Variants in ESYT2 observed in about 807,000 individuals in gnomAD.
ESYT2 encodes extended synaptotagmin 2.
Under a neutral mutation model 107.2 loss-of-function variants are expected in ESYT2, and 54 were observed. The observed-to-expected ratio is 0.50, with a 90% CI of 0.40 to 0.63. ESYT2 has a LOEUF of 0.63. ESYT2 is among the 30% of genes least tolerant of loss of function. The pLI is 0.00. For synonymous variants in ESYT2, 491 were observed against 434.1 expected, an observed-to-expected ratio of 1.13 and a Z score of -1.63; for missense variants, 1,020 against 1,094.5, an observed-to-expected ratio of 0.93 and a Z score of 0.96.
At chr7:158,823,760 T>C (rs754787903) in intron 1 of ESYT2, among the ~76,000 whole-genome samples, 1 of 152,188 alleles carries the variant, frequency 6.6e-6, no homozygotes, top group Non-Finnish European at 1.5e-5. Flanking sequence ...CTGTGACCAA[T>C]GTGGAAATCA....
intron 6 of ESYT2, 74 bp from the exon 7 acceptor site, chr7:158,773,470 T>C (rs1838445567): frequency 6.7e-7 from 1 of 1,482,086 alleles, no homozygotes; most frequent in African/African-American, 1.4e-5. Context: ...CACAGGCTTG[T>C]TTCTTTGTAG....
chr7:158,784,986 C>T (rs901798535), intron 6 of ESYT2, among the ~76,000 whole-genome samples: 102 of 152,276 alleles, frequency 6.7e-4, no homozygotes, highest in African/African-American at 2.4e-3. Flanking sequence ...CTCAACAAGA[C>T]TAAGGACTCT....
At chr7:158,784,835 G>C (rs1411150329) in intron 6 of ESYT2, among the ~76,000 whole-genome samples, 4 of 152,162 alleles carry the variant, frequency 2.6e-5, no homozygotes, top group Admixed American at 6.5e-5. Context: ...CGGTTCAAAA[G>C]ATACCAGCAG....
intron 11 of ESYT2, 80 bp from the exon 12 acceptor site, chr7:158,760,227 T>G: frequency 7.9e-7 from 1 of 1,272,962 alleles, no homozygotes; most frequent in Non-Finnish European, 1.1e-6. Context: ...CTACAAATGT[T>G]CCATGCTGCT....
rs1472168195 is a variant in ESYT2 at position 158,829,347 on chromosome 7, G to C, written c.72C>G (p.Asn24Lys). Residue 24 changes from asparagine to lysine, a missense_variant, in exon 1 of 23, where the codon AAC (asparagine) becomes AAG (lysine). By Grantham distance (94) the Asn-to-Lys change is moderately conservative. Transcript: ENST00000275418. The part of the protein sequence containing the change: ...GGAGGRAAPE[N>K]PGGVLSVELP... ...GCTCCACGCTCAGCACGCCCCCGGGGTTCTCAGGCGCCGCGCGGCCCCCAG... is the reference window on the plus strand; with the variant it reads ...GCTCCACGCTCAGCACGCCCCCGGGCTTCTCAGGCGCCGCGCGGCCCCCAG... 7.0e-7 allele frequency: 1 copy of C among 1,418,866 alleles called. No homozygotes were observed. Among genetic ancestry groups the C allele is most frequent in the Admixed American group, 2.9e-5 (1 of 34,660 alleles). 87.9% of individuals were successfully genotyped at this position (1,418,866 alleles called of 1,614,324 possible).
chr7:158,741,447 T>C, intron 18 of ESYT2, 76 bp downstream of exon 18: 1 of 1,480,494 alleles, frequency 6.8e-7, no homozygotes, highest in Non-Finnish European at 8.9e-7. Context: ...TCTGCTGCGT[T>C]AAACGACTCT....
intron 17 of ESYT2, 25 bp downstream of exon 17, chr7:158,743,504 T>C (rs748162720): frequency 1.3e-6 from 2 of 1,591,044 alleles, no homozygotes; most frequent in South Asian, 2.3e-5. Context: ...TCCCCTATGG[T>C]GTTCACTGCA....
At chr7:158,772,906 A>T (rs1563642329) in intron 7 of ESYT2, among the ~76,000 whole-genome samples, 2 of 151,770 alleles carry the variant, frequency 1.3e-5, no homozygotes, top group African/African-American at 4.8e-5. Context: ...AAAAAAAAAA[A>T]AAGGCAGAAA....
intron 6 of ESYT2, among the ~76,000 whole-genome samples, chr7:158,786,827 A>G (rs546764969): frequency 6.6e-6 from 1 of 152,356 alleles, no homozygotes; most frequent in Non-Finnish European, 1.5e-5. Context: ...GGACTCATCA[A>G]TGGCACATCT....
intron 1 of ESYT2, among the ~76,000 whole-genome samples, chr7:158,826,324 A>G (rs905714510): frequency 5.3e-5 from 8 of 152,342 alleles, no homozygotes; most frequent in Non-Finnish European, 7.3e-5. Flanking sequence ...TCCTTCAAGA[A>G]GCGTCTTAAG....
chr7:158,792,568 A>G (rs1296925399), intron 4 of ESYT2, among the ~76,000 whole-genome samples: 2 of 144,664 alleles, frequency 1.4e-5, no homozygotes, highest in Non-Finnish European at 3.0e-5. Context: ...ACACACATAC[A>G]TATATATAAA....
chr7:158,823,345 G>C (rs1238997152), intron 1 of ESYT2, among the ~76,000 whole-genome samples: 2 of 120,640 alleles, frequency 1.7e-5, no homozygotes, highest in Non-Finnish European at 1.7e-5. Context: ...TTTTTTTTTA[G>C]AGACGGACTG....
chr7:158,760,208 A>AC (rs1412753466), intron 11 of ESYT2, 61 bp from the exon 12 acceptor site: 39 of 1,472,250 alleles, frequency 2.6e-5, no homozygotes, highest in Non-Finnish European at 3.5e-5. Context: ...TCCAAATTAA[A>AC]CCCAGTCTCT....
intron 1 of ESYT2, among the ~76,000 whole-genome samples, chr7:158,811,130 A>T: frequency 6.6e-6 from 1 of 152,126 alleles, no homozygotes; most frequent in East Asian, 1.9e-4. Context: ...ACTGCACTCC[A>T]GCGTGGCAAC....
At chr7:158,767,844 C>T in intron 7 of ESYT2, 70 bp from the exon 8 acceptor site, 1 of 1,530,578 alleles carries the variant, frequency 6.5e-7, no homozygotes. Context: ...CCTTTGACAA[C>T]AGACTTACCA....
rs1273450547 is a variant in ESYT2 at position 158,829,322 on chromosome 7, G to C, written c.97C>G (p.Leu33Val). The change falls in exon 1 of 23, where the codon CTG becomes GTG. Residue 33 changes from leucine to valine, a missense_variant. By Grantham distance (32) the Leu-to-Val change is conservative. Coordinates refer to ENST00000275418, the MANE Select transcript of ESYT2 (RefSeq NM_001367773.1). ...ENPGGVLSVE[L>V]PGLLAQLARS... ...GCCAGCTGCGCCAGCAGCCCGGGCA[G>C]CTCCACGCTCAGCACGCCCCCGGGG... The C allele has an allele frequency of 3.4e-6, 5 of 1,489,782 alleles. No individual in the cohort carries two copies. The South Asian group carries it at 6.3e-5, about 19-fold the overall frequency. 92.3% of individuals were successfully genotyped at this position (1,489,782 alleles called of 1,614,324 possible).
At chr7:158,826,509 TTTTG>T (rs1840449844) in intron 1 of ESYT2, among the ~76,000 whole-genome samples, 1 of 151,924 alleles carries the variant, frequency 6.6e-6, no homozygotes, top group Non-Finnish European at 1.5e-5. Context: ...GCTAAATTAC[TTTTG>T]TATTTTTTTT....
chr7:158,741,839 T>G lies in ESYT2; in HGVS notation c.1852A>C (p.Lys618Gln). 6.2e-7 allele frequency: 1 copy of G among 1,613,966 alleles called. No homozygotes were observed. Among genetic ancestry groups the G allele is most frequent in the Non-Finnish European group, 8.5e-7 (1 of 1,179,938 alleles). ...PPDHQHSAQV[K>Q]RPSVSKEGRK... The stretch of plus-strand genomic sequence containing the variant: ...CCCTCTTTGGACACAGAGGGACGTT[T>G]GACTTGAGCTGAGTGTTGGTGGTCT... Residue 618 changes from lysine to glutamine, a missense_variant, in exon 18 of 23, where the codon AAA (lysine) becomes CAA (glutamine). By Grantham distance (53) the Lys-to-Gln change is moderately conservative. Coordinates refer to ENST00000275418, the MANE Select transcript of ESYT2 (RefSeq NM_001367773.1).
chr7:158,780,709 G>T (rs541850936), intron 6 of ESYT2, among the ~76,000 whole-genome samples: 1 of 152,198 alleles, frequency 6.6e-6, no homozygotes, highest in Non-Finnish European at 1.5e-5. Context: ...GAAACTAATC[G>T]TCAGGGAGGC....
Sources: allele counts gnomAD v4.1 joint callset (sites outside exome capture counted in the v4.1 genomes callset), GRCh38; gene constraint gnomAD v4.1.1; transcripts MANE v1.5; gene names NCBI Gene and HGNC (gene_info 2026-07-23, HGNC 2026-07-21).